Variants in YPEL2 observed in about 807,000 individuals in gnomAD.
YPEL2 encodes the protein protein yippee-like 2.
A neutral mutation model predicts 19.1 loss-of-function variants in YPEL2; 2 were observed. The ratio of observed to expected loss-of-function variants is 0.10; its 90% CI spans 0.04 to 0.33. The LOEUF is 0.33. Among genes scored for constraint, YPEL2 ranks in the 10% least tolerant of loss-of-function variants. The pLI, the probability that YPEL2 is intolerant of heterozygous loss-of-function variation, is 1.00. For missense variants in YPEL2, 66 were observed against 140.7 expected, an observed-to-expected ratio of 0.47 and a Z score of 2.68; for synonymous variants, 52 against 50.0, an observed-to-expected ratio of 1.04 and a Z score of -0.17.
intron 2 of YPEL2, among the ~76,000 whole-genome samples, chr17:59,370,429 A>G (rs2047891276): frequency 6.6e-6 from 1 of 152,208 alleles, no homozygotes; most frequent in African/African-American, 2.4e-5. Context: ...ATGAAATAGC[A>G]GCAAAACGGT....
chr17:59,363,640 A>G (rs750110619), intron 2 of YPEL2, among the ~76,000 whole-genome samples: 2 of 152,062 alleles, frequency 1.3e-5, no homozygotes, highest in African/African-American at 2.4e-5. Context: ...TTGAGCACCT[A>G]CTGTGTGCCA....
intron 1 of YPEL2, among the ~76,000 whole-genome samples, chr17:59,343,523 A>C (rs775667491): frequency 6.6e-6 from 1 of 152,174 alleles, no homozygotes; most frequent in Admixed American, 6.5e-5. Context: ...TTAGGGTCCT[A>C]CTGGAGCTGA....
At chr17:59,376,573 C>A (rs1322762642) in intron 2 of YPEL2, among the ~76,000 whole-genome samples, 1 of 152,156 alleles carries the variant, frequency 6.6e-6, no homozygotes, top group Admixed American at 6.5e-5. Flanking sequence ...CTTTTCTCAT[C>A]TGTAAGGTGG....
At chr17:59,344,182 C>T (rs1267060265) in intron 1 of YPEL2, among the ~76,000 whole-genome samples, 1 of 152,100 alleles carries the variant, frequency 6.6e-6, no homozygotes, top group Non-Finnish European at 1.5e-5. Flanking sequence ...GCATGAGCCA[C>T]TGTGCCCAGC....
rs889317857 is a variant in YPEL2, at chr17:59,353,374, G to A, written c.-36G>A. On this transcript the variant is annotated 5_prime_UTR_variant, in exon 2 of 5. Coordinates refer to ENST00000312655, the MANE Select transcript of YPEL2 (RefSeq NM_001005404.4). This position sits in a 1 kb window ranked among gnomAD's most constrained non-coding sequence, Gnocchi z 4.8. ...CCCATCCTGTGGGAGTGCCTCGTGG[G>A]CTGCCCCAGAGTTCACCCCACACTC... The A allele has an allele frequency of 1.3e-6, 2 of 1,488,330 alleles. No homozygotes were observed. The allele number at this position is 1,488,330 out of a possible 1,614,324, so 92.2% of individuals were successfully genotyped here.
intron 1 of YPEL2, among the ~76,000 whole-genome samples, chr17:59,339,953 C>G (rs986077579): frequency 6.6e-6 from 1 of 152,030 alleles, no homozygotes; most frequent in African/African-American, 2.4e-5. Flanking sequence ...TTCCTCCAAC[C>G]AAGGCTTACT....
chr17:59,374,328 G>A (rs1337559744), intron 2 of YPEL2, among the ~76,000 whole-genome samples: 3 of 152,122 alleles, frequency 2.0e-5, no homozygotes, highest in African/African-American at 7.2e-5. Flanking sequence ...TCTTTCATAA[G>A]GCTCTTTGGC....
In YPEL2 at chr17:59,337,575, A is replaced by T. The variant is rs139451791; in HGVS notation, c.-196+5751A>T. On this transcript the variant is annotated intron_variant, in intron 1 of 4. Transcript: ENST00000312655. ...ATGCTTTTTCTTTTGTGGAAATTGGAAATTTATAGCATGATAAATGCTATA... is the reference window on the plus strand; with the variant it reads ...ATGCTTTTTCTTTTGTGGAAATTGGTAATTTATAGCATGATAAATGCTATA... Among the ~76,000 whole-genome samples the T allele has an allele frequency of 4.3e-3, 658 of 152,292 alleles. 2 individuals carry two copies. The highest frequency in any genetic ancestry group is 9.2e-3 in the African/African-American group (382 of 41,556).
Position 59,397,460 on chromosome 17 carries a change from C to T in YPEL2, c.*270C>T, listed in dbSNP as rs192335102. ...AAACAAAACAACAAAAGGAACAGAT[C>T]CTTGACCGCATGGCGGCAGCCCACC... On this transcript the variant is annotated 3_prime_UTR_variant, in exon 5 of 5. Transcript: ENST00000312655. 1.4e-5 allele frequency: 4 copies of T among 279,822 alleles called. No individual in the cohort carries two copies. Among genetic ancestry groups the T allele is most frequent in the African/African-American group, 2.2e-5 (1 of 45,690 alleles). 17.3% of individuals were successfully genotyped at this position (279,822 alleles called of 1,614,324 possible).
intron 1 of YPEL2, among the ~76,000 whole-genome samples, chr17:59,332,385 A>G (rs942575855): frequency 2.6e-5 from 4 of 152,146 alleles, no homozygotes; most frequent in Admixed American, 6.5e-5. Context: ...GGGTCGAGGT[A>G]ACCGCAGCCG....
At chr17:59,396,512 C>G (rs2048040008) in intron 4 of YPEL2, among the ~76,000 whole-genome samples, 1 of 152,206 alleles carries the variant, frequency 6.6e-6, no homozygotes, top group Admixed American at 6.5e-5. Context: ...TGGGGAAGAC[C>G]TTACTGAGGG....
intron 2 of YPEL2, among the ~76,000 whole-genome samples, chr17:59,361,246 T>C (rs1464523562): frequency 2.6e-5 from 4 of 152,208 alleles, no homozygotes; most frequent in Admixed American, 1.3e-4. Flanking sequence ...CTTGCTCTTA[T>C]CATCTTATTG....
chr17:59,385,283 T>C (rs1011437833), intron 2 of YPEL2, among the ~76,000 whole-genome samples: 1 of 152,164 alleles, frequency 6.6e-6, no homozygotes, highest in Non-Finnish European at 1.5e-5. Context: ...ATTTAAAAAA[T>C]TCTAGACTGG....
intron 1 of YPEL2, among the ~76,000 whole-genome samples, chr17:59,351,012 C>T (rs2047785008): frequency 6.6e-6 from 1 of 152,148 alleles, no homozygotes; most frequent in Non-Finnish European, 1.5e-5. Flanking sequence ...TTCCTATTTC[C>T]TTACTCTAAC....
At chr17:59,386,694 A>G (rs1365671017) in intron 2 of YPEL2, among the ~76,000 whole-genome samples, 2 of 152,106 alleles carry the variant, frequency 1.3e-5, no homozygotes, top group Non-Finnish European at 2.9e-5. Context: ...TCGCTGGGAC[A>G]TTGTCTTATC....
chr17:59,343,471 A>AT (rs1409972292), intron 1 of YPEL2, among the ~76,000 whole-genome samples: 1 of 152,090 alleles, frequency 6.6e-6, no homozygotes, highest in Non-Finnish European at 1.5e-5. Flanking sequence ...CCAGAGAAAA[A>AT]TTAAGTTTTT....
At chr17:59,363,023 C>T (rs2047849123) in intron 2 of YPEL2, 1 of 152,146 alleles carries the variant, frequency 6.6e-6, no homozygotes, top group African/African-American at 2.4e-5. Context: ...CAAGGCTCAC[C>T]ATGGAGGGTA....
At chr17:59,336,952 G>A (rs1235218198) in intron 1 of YPEL2, among the ~76,000 whole-genome samples, 1 of 152,150 alleles carries the variant, frequency 6.6e-6, no homozygotes, top group Non-Finnish European at 1.5e-5. Flanking sequence ...CTCCTGTGGC[G>A]ATTCTTGGTT....
rs1443957549 is a variant in YPEL2 at position 59,400,877 on chromosome 17, G to A, written c.*3687G>A. ...TCTCTCTGGTTGTTTCTGTTTCTGA[G>A]TGGACCAACAGCAGAACCCACGAGG... On this transcript the variant is annotated 3_prime_UTR_variant, in exon 5 of 5. Transcript: ENST00000312655. 2.0e-5 allele frequency: 3 copies of A among 152,570 alleles called. No homozygotes were observed. The highest frequency in any genetic ancestry group is 4.4e-5 in the Non-Finnish European group (3 of 68,022). The allele number at this position is 152,570 out of a possible 1,614,324, so 9.5% of individuals were successfully genotyped here. A position where few individuals can be genotyped will look rare whatever the true frequency, so the allele number is the denominator to read the frequency against.
Sources: allele counts gnomAD v4.1 joint callset (sites outside exome capture counted in the v4.1 genomes callset), GRCh38; gene constraint gnomAD v4.1.1; non-coding constraint Gnocchi (gnomAD v3.1); transcripts MANE v1.5; gene names NCBI Gene and HGNC (gene_info 2026-07-23, HGNC 2026-07-21).